The following ATP4B variants were observed in gnomAD, a reference collection of about 807,000 sequenced individuals.
ATP4B encodes potassium-transporting ATPase subunit beta.
ATP4B carries 27 observed loss-of-function variants against 35.3 expected under a neutral mutation model. The ratio of observed to expected loss-of-function variants is 0.76; its 90% CI spans 0.56 to 1.05. The LOEUF (loss-of-function observed/expected upper bound fraction) is 1.05. Ranked by LOEUF, ATP4B falls within the 50% of genes least tolerant of loss-of-function variation. The pLI, the probability that ATP4B is intolerant of heterozygous loss-of-function variation, is 0.00. For missense variants in ATP4B, 375 were observed against 384.8 expected (o/e 0.97, Z 0.21); for synonymous variants, 162 against 156.0 (o/e 1.04, Z -0.29).
chr13:113,651,813 G>C, intron 4 of ATP4B, 86 bp from the exon 5 acceptor site: 1 of 1,505,666 alleles, frequency 6.6e-7, no homozygotes, highest in Non-Finnish European at 9.0e-7. Flanking sequence ...GCTGAGATCT[G>C]GCCGGCCCCA....
At chr13:113,656,963 C>T (rs1463813422) in intron 1 of ATP4B, among the ~76,000 whole-genome samples, 1 of 152,154 alleles carries the variant, frequency 6.6e-6, no homozygotes, top group Non-Finnish European at 1.5e-5. Context: ...CCAGGAGGCC[C>T]TTCTGCCCCC....
intron 1 of ATP4B, among the ~76,000 whole-genome samples, chr13:113,657,608 C>T (rs922419697): frequency 3.3e-5 from 5 of 152,236 alleles, no homozygotes; most frequent in South Asian, 2.1e-4. Context: ...GCGGGTGTCC[C>T]GGAAAGGGGC....
rs369324820 is a variant in ATP4B at position 113,653,287 on chromosome 13, C to T, written c.355+34G>A. The T allele has an allele frequency of 1.2e-4, 190 of 1,591,978 alleles. No homozygotes were observed. In the African/African-American group the frequency reaches 1.7e-3, roughly 15 times the overall value. On this transcript the variant is annotated intron_variant, in intron 3 of 6. Transcript: ENST00000335288. ...GCCGCTTCACACCTCACCCACCCGC[C>T]GCTTCACACCTCACCTGCCGTTTCA...
chr13:113,656,993 AC>A (rs1475118720), intron 1 of ATP4B, among the ~76,000 whole-genome samples: 1 of 152,134 alleles, frequency 6.6e-6, no homozygotes, highest in Non-Finnish European at 1.5e-5. Flanking sequence ...CTCTCTAGGA[AC>A]GGGGTATTTG....
chr13:113,652,924 G>A lies in ATP4B; in HGVS notation c.504C>T (p.Pro168=), dbSNP rs1174417818. The stretch of plus-strand genomic sequence containing the variant: ...GCTTTCCTTCTTCAAAGCCGAAGTT[G>A]GGATCCGCCAGGCCTGAGCAGTTCT... ...MLQNCSGLAD[P]NFGFEEGKPC... is the part of the protein sequence containing the mutation. The change falls in exon 4 of 7, where the codon CCC becomes CCT. Residue 168 remains proline, a synonymous_variant. Coordinates refer to ENST00000335288, the MANE Select transcript of ATP4B (RefSeq NM_000705.4). The A allele has an allele frequency of 1.9e-6, 3 of 1,614,218 alleles. No homozygotes were observed. The highest frequency in any genetic ancestry group is 2.5e-6 in the Non-Finnish European group (3 of 1,180,034).
chr13:113,654,677 C>G lies in ATP4B; in HGVS notation c.241+137G>C, dbSNP rs2049739445. The G allele has an allele frequency of 2.9e-6, 4 of 1,369,270 alleles. No individual in the cohort carries two copies. In the East Asian group the frequency reaches 1.0e-4, roughly 35 times the overall value. The allele number at this position is 1,369,270 out of a possible 1,614,324, so 84.8% of individuals were successfully genotyped here. On this transcript the variant is annotated intron_variant, in intron 2 of 6. Coordinates refer to ENST00000335288, the MANE Select transcript of ATP4B (RefSeq NM_000705.4). ...CGGGGGCACCTGCTGGGGTGTGTGG[C>G]TCACCCTGGGGCTGCCGGGCTGGCT...
At chr13:113,655,415 A>G (rs1423732967) in intron 1 of ATP4B, among the ~76,000 whole-genome samples, 1 of 152,158 alleles carries the variant, frequency 6.6e-6, no homozygotes, top group South Asian at 2.1e-4. Context: ...CCACAAAGAC[A>G]TCAGGAAGAG....
At chr13:113,655,037 T>G in intron 1 of ATP4B, 95 bp from the exon 2 acceptor site, 1 of 1,511,858 alleles carries the variant, frequency 6.6e-7, no homozygotes, top group Non-Finnish European at 9.0e-7. Context: ...GGCGTGACCA[T>G]CTTCCCTACC....
At position 113,649,696 on chromosome 13, in the gene ATP4B, A is replaced by T. The variant is rs2049697242; in HGVS notation, c.715-161T>A. Among the ~76,000 whole-genome samples the T allele has an allele frequency of 6.6e-6, 1 of 152,194 alleles. No individual in the cohort carries two copies. Among genetic ancestry groups the T allele is most frequent in the Non-Finnish European group, 1.5e-5 (1 of 68,028 alleles). On this transcript the variant is annotated intron_variant, in intron 6 of 6. Transcript: ENST00000335288. The surrounding 1 kb of genome is among the most constrained non-coding windows in gnomAD (Gnocchi z 4.7). The stretch of plus-strand genomic sequence containing the variant: ...TGCATGCCCTGGAATTTGCTGAGAT[A>T]ACACCCCCCATGTAAAAATGGAAAG...
chr13:113,652,890 T>C lies in ATP4B; in HGVS notation c.538A>G (p.Ile180Val). The part of the protein sequence containing the change: ...FGFEEGKPCF[I>V]IKMNRIVKFL... The stretch of plus-strand genomic sequence containing the variant: ...GTACTCACCCTGTTCATTTTAATAA[T>C]AAAACATGGCTTTCCTTCTTCAAAG... Residue 180 changes from isoleucine to valine, a missense_variant, in exon 4 of 7, where the codon ATT becomes GTT. Ile to Val is a conservative substitution (Grantham distance 29). Coordinates refer to ENST00000335288, the MANE Select transcript of ATP4B (RefSeq NM_000705.4). The C allele has an allele frequency of 6.2e-7, 1 of 1,614,190 alleles. No homozygotes were observed. Among genetic ancestry groups the C allele is most frequent in the Non-Finnish European group, 8.5e-7 (1 of 1,180,020 alleles).
chr13:113,655,470 A>G (rs9669827), intron 1 of ATP4B, among the ~76,000 whole-genome samples: 104,611 of 152,104 alleles, frequency 0.69, 37,093 homozygotes, highest in African/African-American at 0.88. Context: ...CTCAGAAGCA[A>G]GGGTGTCCAT....
intron 2 of ATP4B, among the ~76,000 whole-genome samples, chr13:113,653,696 C>T (rs1016626255): frequency 5.3e-5 from 8 of 152,216 alleles, no homozygotes; most frequent in African/African-American, 1.4e-4. Flanking sequence ...CTCTCTCCAC[C>T]GGGTGCCTGC....
intron 1 of ATP4B, 123 bp downstream of exon 1, chr13:113,657,910 C>G: frequency 7.4e-6 from 6 of 806,384 alleles, no homozygotes; most frequent in Non-Finnish European, 1.2e-5. Context: ...TCCACGCCAT[C>G]CAGGCAGCAT....
intron 1 of ATP4B, among the ~76,000 whole-genome samples, chr13:113,657,429 G>A (rs955407009): frequency 6.6e-6 from 1 of 152,236 alleles, no homozygotes; most frequent in Admixed American, 6.5e-5. Context: ...TCCACCACCT[G>A]TGTGGCCTTG....
chr13:113,650,521 GCCACT>G lies in ATP4B; in HGVS notation c.613-19_613-15del. On this transcript the variant is annotated splice_polypyrimidine_tract_variant and intron_variant, in intron 5 of 6. Transcript: ENST00000335288. This position sits in a 1 kb window ranked among gnomAD's most constrained non-coding sequence, Gnocchi z 5.0. ...GCGGGGCTGGTCCTGGGGAGGAGAG[GCCACT>G]GCCTGAGTCAGGCGGGAGCTGGTGT... 3 of 1,603,928 alleles carry G rather than the reference GCCACT, an allele frequency of 1.9e-6. No individual in the cohort carries two copies. Among genetic ancestry groups the G allele is most frequent in the Non-Finnish European group, 1.7e-6 (2 of 1,174,502 alleles).
intron 2 of ATP4B, among the ~76,000 whole-genome samples, chr13:113,654,413 C>G (rs188563813): frequency 6.6e-6 from 1 of 152,124 alleles, no homozygotes; most frequent in Non-Finnish European, 1.5e-5. Flanking sequence ...CGGGTGTGCT[C>G]CTTGGAAACT....
rs372348110 is a variant in ATP4B at position 113,651,725 on chromosome 13, G to A, written c.558C>T (p.Ile186=). ...KPCFIIKMNR[I]VKFLPSNGSA... ...AGCCGTTGCTGGGGAGGAACTTGAC[G>A]ATCTAGAAGGGAAAAGCTTGAGCGT... Residue 186 remains isoleucine (I), a splice_region_variant and synonymous_variant, in exon 5 of 7, where the codon ATC becomes ATT. Coordinates refer to ENST00000335288, the MANE Select transcript of ATP4B (RefSeq NM_000705.4). 62 of 1,613,626 alleles carry A rather than the reference G, an allele frequency of 3.8e-5. No individual in the cohort carries two copies. Among genetic ancestry groups the A allele is most frequent in the African/African-American group, 1.7e-4 (13 of 74,940 alleles).
intron 1 of ATP4B, among the ~76,000 whole-genome samples, chr13:113,655,629 T>C (rs2049748782): frequency 6.6e-6 from 1 of 152,198 alleles, no homozygotes; most frequent in Non-Finnish European, 1.5e-5. Flanking sequence ...GTGTGCTGTC[T>C]TCGTCTCTGT....
chr13:113,657,803 C>T (rs978761614), intron 1 of ATP4B, among the ~76,000 whole-genome samples: 2 of 152,264 alleles, frequency 1.3e-5, no homozygotes, highest in Non-Finnish European at 2.9e-5. Context: ...CCTCCACCGG[C>T]GTTCTGCAGC....
Sources: gnomAD v4.1 joint callset for allele counts (sites outside exome capture counted in the v4.1 genomes callset) on GRCh38, gnomAD v4.1.1 for gene constraint, Gnocchi (gnomAD v3.1) non-coding constraint, MANE v1.5 for transcripts, NCBI Gene and HGNC (gene_info 2026-07-23, HGNC 2026-07-21) for gene names.